Variants in BLTP1 observed in about 807,000 individuals in gnomAD.
The protein encoded by BLTP1 is bridge-like lipid transfer protein family member 1, also known as fragile site-associated protein.
the BLTP1 span, chr4:122,175,220 G>C: frequency 2.0e-6 from 2 of 984,848 alleles, no homozygotes; most frequent in Non-Finnish European, 2.4e-6. Context: ...AGAGGTGCTA[G>C]AGTTTGGCAG....
chr4:122,239,850 G>A, the BLTP1 span: 3 of 1,614,098 alleles, frequency 1.9e-6, no homozygotes, highest in Admixed American at 1.7e-5. Flanking sequence ...GTCAATGGCT[G>A]ATAGTGAAGC....
At chr4:122,244,880 GT>G in the BLTP1 span, 1 of 1,076,482 alleles carries the variant, frequency 9.3e-7, no homozygotes. Context: ...TTCTAAATAT[GT>G]GGCTTAGACA....
At chr4:122,323,175 T>C in the BLTP1 span, among the ~76,000 whole-genome samples, 1 of 152,114 alleles carries the variant, frequency 6.6e-6, no homozygotes, top group Non-Finnish European at 1.5e-5. Context: ...CTTGTGCATC[T>C]CTGTCCTGGT....
At chr4:122,259,870 A>T in the BLTP1 span, 674 of 908,154 alleles carry the variant, frequency 7.4e-4, 1 homozygote, top group Admixed American at 2.7e-3. Context: ...AAAAAAAAAA[A>T]TTTTAACTTT....
At chr4:122,341,422 G>A in the BLTP1 span, among the ~76,000 whole-genome samples, 1 of 152,088 alleles carries the variant, frequency 6.6e-6, no homozygotes, top group African/African-American at 2.4e-5. Flanking sequence ...CTTGGGAGTG[G>A]TAAATATATG....
the BLTP1 span, chr4:122,266,955 G>A: frequency 6.5e-7 from 1 of 1,541,524 alleles, no homozygotes; most frequent in South Asian, 1.2e-5. Flanking sequence ...AAAAGAGCAA[G>A]AAGGTGTCTT....
chr4:122,299,215 A>T, the BLTP1 span: 1 of 894,744 alleles, frequency 1.1e-6, no homozygotes, highest in Non-Finnish European at 1.3e-6. Flanking sequence ...GAATAAACAA[A>T]ATGTGATAAA....
chr4:122,262,968 T>C, the BLTP1 span: 1 of 1,613,652 alleles, frequency 6.2e-7, no homozygotes, highest in Non-Finnish European at 8.5e-7. Context: ...GAAAAGTAGC[T>C]CCCTAACGAG....
chr4:122,221,751 A>T, the BLTP1 span: 35 of 970,626 alleles, frequency 3.6e-5, no homozygotes, highest in Non-Finnish European at 3.9e-5. Context: ...GGAGGCAGGT[A>T]TGTGGAGAGG....
the BLTP1 span, chr4:122,271,575 T>A: frequency 6.2e-7 from 1 of 1,613,644 alleles, no homozygotes; most frequent in Non-Finnish European, 8.5e-7. Context: ...ACTATTCATA[T>A]GGATGACTCT....
chr4:122,276,820 A>T, the BLTP1 span: 33 of 975,948 alleles, frequency 3.4e-5, 1 homozygote, highest in African/African-American at 5.8e-4. Context: ...TTTGAATTTT[A>T]TGTAATACCT....
At chr4:122,296,979 C>A in the BLTP1 span, among the ~76,000 whole-genome samples, 2 of 152,218 alleles carry the variant, frequency 1.3e-5, no homozygotes, top group South Asian at 2.1e-4. Flanking sequence ...AGAAGAAAAT[C>A]TAGACAATAC....
At chr4:122,256,219 G>T in the BLTP1 span, 39 of 963,092 alleles carry the variant, frequency 4.0e-5, no homozygotes, top group Middle Eastern at 2.1e-3. Context: ...GGCAAGTCAA[G>T]AATCTCTAGT....
At chr4:122,271,045 T>C in the BLTP1 span, 1 of 1,610,058 alleles carries the variant, frequency 6.2e-7, no homozygotes, top group Non-Finnish European at 8.5e-7. Context: ...TTCCTCCACT[T>C]GAGTTCAAAC....
the BLTP1 span, among the ~76,000 whole-genome samples, chr4:122,153,275 C>T: frequency 6.7e-6 from 1 of 149,834 alleles, no homozygotes; most frequent in Non-Finnish European, 1.5e-5. Flanking sequence ...ACTGTCTAAG[C>T]GCCTGTAAGT....
the BLTP1 span, chr4:122,181,142 AT>A: frequency 4.2e-6 from 1 of 235,994 alleles, no homozygotes; most frequent in Non-Finnish European, 6.9e-6. Context: ...GACAGATATA[AT>A]TGGTCTTTAG....
chr4:122,327,447 T>C, the BLTP1 span, among the ~76,000 whole-genome samples: 2 of 151,702 alleles, frequency 1.3e-5, no homozygotes, highest in African/African-American at 4.8e-5. Context: ...TTTTTATTTT[T>C]CCCCCAATAT....
At chr4:122,326,932 A>G in the BLTP1 span, among the ~76,000 whole-genome samples, 2 of 151,772 alleles carry the variant, frequency 1.3e-5, no homozygotes, top group African/African-American at 4.8e-5. Flanking sequence ...CCTGGATTTG[A>G]AATTTTCAAT....
At chr4:122,224,650 T>A in the BLTP1 span, 1 of 1,614,026 alleles carries the variant, frequency 6.2e-7, no homozygotes, top group Non-Finnish European at 8.5e-7. Flanking sequence ...AGGCTGGAAG[T>A]CTTACAGCTA....
Sources: allele counts gnomAD v4.1 joint callset (sites outside exome capture counted in the v4.1 genomes callset), GRCh38; gene constraint gnomAD v4.1.1; transcripts MANE v1.5; gene names NCBI Gene and HGNC (gene_info 2026-07-23, HGNC 2026-07-21).